The following SHPK variants were observed in gnomAD, a reference collection of about 807,000 sequenced individuals.
The protein encoded by SHPK is carbohydrate kinase-like protein.
SHPK carries 51 observed loss-of-function variants against 46.3 expected under a neutral mutation model. The observed-to-expected ratio is 1.10, with a 90% CI of 0.88 to 1.39. SHPK has a LOEUF of 1.39. Ranked by LOEUF, SHPK falls within the 40% of genes most tolerant of loss-of-function variation. SHPK has a pLI of 0.00. For synonymous variants in SHPK, 290 were observed against 273.9 expected (o/e 1.06, Z -0.58); for missense variants, 668 against 641.3 (o/e 1.04, Z -0.45).
chr17:3,617,179 T>C (rs1186126227), intron 5 of SHPK, among the ~76,000 whole-genome samples: 2 of 152,148 alleles, frequency 1.3e-5, no homozygotes, highest in East Asian at 3.9e-4. Context: ...GCCAAGTTTT[T>C]CTTTAATCAG....
At chr17:3,636,007 T>G (rs1249244738) in intron 1 of SHPK, 45 bp downstream of exon 1, 11 of 1,496,004 alleles carry the variant, frequency 7.4e-6, no homozygotes, top group Non-Finnish European at 8.0e-6. Context: ...AAAAGGGTGG[T>G]CAGGAGGCTC....
chr17:3,622,472 A>G, intron 4 of SHPK: 1 of 502,990 alleles, frequency 2.0e-6, no homozygotes, highest in Non-Finnish European at 2.6e-6. Flanking sequence ...CTGAATATCA[A>G]ACGTGTTAGT....
chr17:3,611,103 G>A lies in SHPK; in HGVS notation c.1025-131C>T, dbSNP rs143345895. The A allele has an allele frequency of 7.0e-4, 611 of 872,852 alleles. 5 individuals carry two copies. The East Asian group carries it at 0.011, about 16-fold the overall frequency. 54.1% of individuals were successfully genotyped at this position (872,852 alleles called of 1,614,324 possible). A position where few individuals can be genotyped will look rare whatever the true frequency, so the allele number is the denominator to read the frequency against. On this transcript the variant is annotated intron_variant, in intron 6 of 6. Coordinates refer to ENST00000225519, the MANE Select transcript of SHPK (RefSeq NM_013276.4). ...TCCTCCCGCTGCAGCTGGTGGTTCT[G>A]GGCTCAGGGACTGCTATAGCCAGGC...
intron 5 of SHPK, among the ~76,000 whole-genome samples, chr17:3,616,473 G>C (rs892412160): frequency 2.6e-5 from 4 of 152,162 alleles, no homozygotes; most frequent in African/African-American, 7.2e-5. Flanking sequence ...GAAGACTGCA[G>C]CTCCAGAGTG....
chr17:3,621,229 A>T lies in SHPK; in HGVS notation c.823+8T>A, dbSNP rs1476585985. On this transcript the variant is annotated splice_region_variant and intron_variant, in intron 5 of 6. Transcript: ENST00000225519. The stretch of plus-strand genomic sequence containing the variant: ...TAAGTCTGAGGACAGAACAAAAGAA[A>T]AACTTACCTGCATCTGTCCTCTGGG... The T allele has an allele frequency of 1.9e-6, 3 of 1,598,794 alleles. No homozygotes were observed. The highest frequency in any genetic ancestry group is 1.8e-5 in the Admixed American group (1 of 57,134).
rs1044016823 is a variant in SHPK, at chr17:3,608,749, G to T, written c.*1811C>A. 6.6e-6 allele frequency: 1 copy of T among 152,160 alleles called. No individual in the cohort carries two copies. Among genetic ancestry groups the T allele is most frequent in the Admixed American group, 6.5e-5 (1 of 15,270 alleles). 9.4% of individuals were successfully genotyped at this position (152,160 alleles called of 1,614,324 possible). ...AGACGTTTTTCTGGTAGAACACCAG[G>T]GCAAGGCTTTTCTGAGGATGATCTA... On this transcript the variant is annotated 3_prime_UTR_variant, in exon 7 of 7. Transcript: ENST00000225519.
chr17:3,618,688 G>A lies in SHPK; in HGVS notation c.823+2549C>T, dbSNP rs151096734. Among the ~76,000 whole-genome samples the A allele has an allele frequency of 3.9e-3, 591 of 152,124 alleles. 1 individual carries two copies. Among genetic ancestry groups the A allele is most frequent in the African/African-American group, 0.013 (552 of 41,512 alleles). On this transcript the variant is annotated intron_variant, in intron 5 of 6. Transcript: ENST00000225519. ...TCAGCTACTTGGGAGACTGAGGCAG[G>A]AGAATCACTTGAACTCAGGAGGCGG...
At chr17:3,628,948 C>T (rs547965725) in intron 2 of SHPK, among the ~76,000 whole-genome samples, 31 of 152,216 alleles carry the variant, frequency 2.0e-4, no homozygotes, top group Admixed American at 7.8e-4. Flanking sequence ...CCACCATGCC[C>T]GGCCTTAAAA....
At chr17:3,626,590 C>T (rs532613087) in intron 2 of SHPK, among the ~76,000 whole-genome samples, 275 of 151,972 alleles carry the variant, frequency 1.8e-3, no homozygotes, top group African/African-American at 6.3e-3. Context: ...GGCGTGATGG[C>T]GGGTACCTGT....
In SHPK at chr17:3,635,907, G is replaced by A. The variant is rs986633391; in HGVS notation, c.168+145C>T. On this transcript the variant is annotated intron_variant, in intron 1 of 6. Coordinates refer to ENST00000225519, the MANE Select transcript of SHPK (RefSeq NM_013276.4). Reference sequence around the variant, plus strand: ...CTAAGGGATCATGAGCACAGCTGCTGCAGGCAGACGGGCCCCTGGAGAAGC... The same window carrying A: ...CTAAGGGATCATGAGCACAGCTGCTACAGGCAGACGGGCCCCTGGAGAAGC... 3.1e-5 allele frequency: 25 copies of A among 801,614 alleles called. No homozygotes were observed. In the African/African-American group the frequency reaches 3.8e-4, roughly 12 times the overall value. The allele number at this position is 801,614 out of a possible 1,614,324, so 49.7% of individuals were successfully genotyped here.
intron 5 of SHPK, among the ~76,000 whole-genome samples, chr17:3,616,801 C>A (rs930983614): frequency 6.6e-6 from 1 of 152,186 alleles, no homozygotes; most frequent in Admixed American, 6.5e-5. Context: ...TGCAATGGCG[C>A]GATCTTCGCT....
In SHPK at chr17:3,610,861, G is replaced by C. The variant is rs759769678; in HGVS notation, c.1136C>G (p.Pro379Arg). Reference protein sequence around the residue: ...TPTVLGERHLPDQLASVTRIS... With the variant: ...TPTVLGERHLRDQLASVTRIS... Reference sequence around the variant, plus strand: ...TCTGGTCACTGAGGCCAGCTGGTCCGGCAGGTGCCTCTCCCCCAGCACTGT... The same window carrying C: ...TCTGGTCACTGAGGCCAGCTGGTCCCGCAGGTGCCTCTCCCCCAGCACTGT... The change falls in exon 7 of 7, where the codon CCG (proline) becomes CGG (arginine). Residue 379 changes from proline to arginine, a missense_variant. Physicochemically the swap from Pro to Arg is moderately radical, Grantham distance 103. Transcript: ENST00000225519. 2 of 1,614,054 alleles carry C rather than the reference G, an allele frequency of 1.2e-6. No homozygotes were observed. The highest frequency in any genetic ancestry group is 1.7e-6 in the Non-Finnish European group (2 of 1,180,022).
chr17:3,635,234 G>GAAGGAAGGAAGGAAGC (rs2075507466), intron 1 of SHPK, among the ~76,000 whole-genome samples: 1 of 132,548 alleles, frequency 7.5e-6, no homozygotes, highest in Non-Finnish European at 1.7e-5. Flanking sequence ...AGGAAGGAAG[G>GAAGGAAGGAAGGAAGC]AAGGAAGGAA....
intron 4 of SHPK, chr17:3,622,501 G>T: frequency 1.4e-6 from 1 of 734,350 alleles, no homozygotes; most frequent in Non-Finnish European, 1.7e-6. Context: ...GTTAGTGAAT[G>T]GGAAGCTGTC....
chr17:3,618,523 T>C (rs1452815475), intron 5 of SHPK, among the ~76,000 whole-genome samples: 1 of 152,162 alleles, frequency 6.6e-6, no homozygotes, highest in Non-Finnish European at 1.5e-5. Flanking sequence ...GGCTCACGCC[T>C]GTAATCCCAG....
At chr17:3,614,979 A>G (rs904000281) in intron 6 of SHPK, among the ~76,000 whole-genome samples, 7 of 152,166 alleles carry the variant, frequency 4.6e-5, no homozygotes, top group African/African-American at 1.7e-4. Context: ...CTGTCCATGG[A>G]GAGCAGAGAA....
At chr17:3,623,055 C>G (rs954718827) in intron 4 of SHPK, among the ~76,000 whole-genome samples, 2 of 152,230 alleles carry the variant, frequency 1.3e-5, no homozygotes, top group African/African-American at 4.8e-5. Flanking sequence ...AACCTACAGA[C>G]TGGGCTCATG....
intron 5 of SHPK, among the ~76,000 whole-genome samples, chr17:3,617,667 CA>C (rs1477658416): frequency 6.6e-6 from 1 of 152,046 alleles, no homozygotes; most frequent in Non-Finnish European, 1.5e-5. Context: ...CCTAAACAAA[CA>C]AACAAACAAT....
chr17:3,617,100 G>A (rs111695670), intron 5 of SHPK, among the ~76,000 whole-genome samples: 5,101 of 152,120 alleles, frequency 0.034, 100 homozygotes, highest in Middle Eastern at 0.082. Flanking sequence ...TCGAACTCCT[G>A]GCCTCAAGTG....
Sources: allele counts gnomAD v4.1 joint callset (sites outside exome capture counted in the v4.1 genomes callset), GRCh38; gene constraint gnomAD v4.1.1; transcripts MANE v1.5; gene names NCBI Gene and HGNC (gene_info 2026-07-23, HGNC 2026-07-21).